NELL2: variants seen among roughly 807,000 people sequenced by gnomAD.
The protein encoded by NELL2 is neural EGFL like 2.
Under a neutral mutation model 109.6 loss-of-function variants are expected in NELL2, and 41 were observed. The observed-to-expected ratio is 0.37, with a 90% CI of 0.29 to 0.49. The LOEUF (loss-of-function observed/expected upper bound fraction) is 0.49, where lower values mean the gene tolerates loss of function less well. Among genes scored for constraint, NELL2 ranks in the 20% least tolerant of loss-of-function variants. The probability of loss-of-function intolerance (pLI) is 0.98; values close to 1 mark genes in which losing one functional copy is unlikely to be tolerated. For synonymous variants in NELL2, 355 were observed against 344.7 expected (o/e 1.03, Z -0.33); for missense variants, 900 against 1,008.3 (o/e 0.89, Z 1.45).
intron 9 of NELL2, among the ~76,000 whole-genome samples, chr12:44,774,074 T>C (rs1202330235): frequency 6.6e-6 from 1 of 152,238 alleles, no homozygotes; most frequent in Non-Finnish European, 1.5e-5. Flanking sequence ...ACACTCTTTT[T>C]AACAAAGGTT....
At chr12:44,561,329 G>A (rs996985089) in intron 15 of NELL2, among the ~76,000 whole-genome samples, 45 of 151,966 alleles carry the variant, frequency 3.0e-4, no homozygotes, top group African/African-American at 1.0e-3. Flanking sequence ...TTCTGGACAG[G>A]GTAATCAGGC....
At chr12:44,844,250 G>A (rs1230390415) in intron 2 of NELL2, among the ~76,000 whole-genome samples, 1 of 152,170 alleles carries the variant, frequency 6.6e-6, no homozygotes, top group African/African-American at 2.4e-5. Flanking sequence ...GAATTTTGGA[G>A]AGGACACATT....
chr12:44,881,344 A>G (rs1338605478), intron 1 of NELL2, among the ~76,000 whole-genome samples: 2 of 152,026 alleles, frequency 1.3e-5, no homozygotes, highest in Non-Finnish European at 2.9e-5. Flanking sequence ...TAAAGAAACT[A>G]TTATAAAAAT....
intron 15 of NELL2, among the ~76,000 whole-genome samples, chr12:44,589,251 C>T (rs1944656425): frequency 6.8e-6 from 1 of 147,614 alleles, no homozygotes; most frequent in Admixed American, 6.7e-5. Context: ...TCATTCCTCT[C>T]AGTCAGTCCA....
chr12:44,775,222 C>T (rs528373850), intron 8 of NELL2, among the ~76,000 whole-genome samples: 14 of 151,184 alleles, frequency 9.3e-5, no homozygotes, highest in Non-Finnish European at 2.1e-4. Flanking sequence ...CGAACATGCA[C>T]GCACGCACAC....
intron 9 of NELL2, among the ~76,000 whole-genome samples, chr12:44,760,174 T>C (rs1941061683): frequency 6.6e-6 from 1 of 152,184 alleles, no homozygotes; most frequent in Non-Finnish European, 1.5e-5. Flanking sequence ...CCCTTGAACA[T>C]GTTACTCCAC....
At chr12:44,717,842 C>A (rs987962861) in intron 9 of NELL2, among the ~76,000 whole-genome samples, 5 of 152,118 alleles carry the variant, frequency 3.3e-5, no homozygotes, top group African/African-American at 1.2e-4. Context: ...CATTGGTGAA[C>A]GCTACTTGAA....
chr12:44,680,886 C>T (rs1313012064), intron 12 of NELL2, among the ~76,000 whole-genome samples: 1 of 152,116 alleles, frequency 6.6e-6, no homozygotes, highest in East Asian at 1.9e-4. Context: ...ACATTTACTA[C>T]AATGTATGTT....
At chr12:44,810,297 T>C (rs1481257121) in intron 3 of NELL2, among the ~76,000 whole-genome samples, 1 of 152,142 alleles carries the variant, frequency 6.6e-6, no homozygotes, top group African/African-American at 2.4e-5. Context: ...TCAAAAATTA[T>C]TGTCAACTAT....
Position 44,665,518 on chromosome 12 carries a change from A to G in NELL2, c.1410T>C (p.Thr470=). The change falls in exon 13 of 20, where the codon ACT becomes ACC. Residue 470 remains threonine, a synonymous_variant. Transcript: ENST00000429094. ...AATAATCATCAATTCTGATGTATCC[A>G]GTTTTGCAGATGCACATAAAAGAAC... ...TPGSFMCICK[T]GYIRIDDYSC... The G allele has an allele frequency of 6.2e-7, 1 of 1,613,590 alleles. No individual in the cohort carries two copies.
At chr12:44,759,939 C>A (rs772700861) in intron 9 of NELL2, among the ~76,000 whole-genome samples, 1 of 152,142 alleles carries the variant, frequency 6.6e-6, no homozygotes, top group African/African-American at 2.4e-5. Flanking sequence ...CTTTCACTAC[C>A]TTTTAAAATT....
Position 44,875,933 on chromosome 12 carries a change from C to A in NELL2, c.-64G>T. ...AATAAAAATAAAAATCGAAGAGGTTCTTGGAATCAAGCGGGAAAATAACGT... is the reference window on the plus strand; with the variant it reads ...AATAAAAATAAAAATCGAAGAGGTTATTGGAATCAAGCGGGAAAATAACGT... On this transcript the variant is annotated 5_prime_UTR_variant, in exon 1 of 20. Coordinates refer to ENST00000429094, the MANE Select transcript of NELL2 (RefSeq NM_001145108.2). The A allele has an allele frequency of 6.2e-7, 1 of 1,609,322 alleles. No individual in the cohort carries two copies. The highest frequency in any genetic ancestry group is 1.1e-5 in the South Asian group (1 of 91,002).
At chr12:44,726,313 A>C (rs1939078481) in intron 9 of NELL2, among the ~76,000 whole-genome samples, 1 of 152,166 alleles carries the variant, frequency 6.6e-6, no homozygotes. Flanking sequence ...CCTTCAAACG[A>C]CTTCATGAGG....
At chr12:44,849,332 A>C (rs1944464083) in intron 2 of NELL2, among the ~76,000 whole-genome samples, 1 of 152,202 alleles carries the variant, frequency 6.6e-6, no homozygotes, top group Non-Finnish European at 1.5e-5. Context: ...AAAATCCTAC[A>C]AACCAAAAAT....
chr12:44,749,126 T>C (rs747636645), intron 9 of NELL2, among the ~76,000 whole-genome samples: 9 of 152,142 alleles, frequency 5.9e-5, no homozygotes, highest in Non-Finnish European at 1.3e-4. Flanking sequence ...GAATCAAAGA[T>C]TGGCACGTAA....
In NELL2 at chr12:44,577,571, G is replaced by T. The variant is rs533660888; in HGVS notation, c.1663+29598C>A. ...CGGCTCACTGCAAGCCCCGCCTCCC[G>T]GGTTCACACCATTCTCCTGCCTCAG... On this transcript the variant is annotated intron_variant, in intron 15 of 19. Transcript: ENST00000429094. Among the ~76,000 whole-genome samples the T allele has an allele frequency of 4.9e-5, 7 of 141,740 alleles. No homozygotes were observed. The Admixed American group carries it at 5.2e-4, about 10-fold the overall frequency. The allele number at this position is 141,740 out of a possible 152,430, so 93.0% of individuals were successfully genotyped here.
At chr12:44,705,783 C>T (rs565866154) in intron 11 of NELL2, among the ~76,000 whole-genome samples, 1 of 152,092 alleles carries the variant, frequency 6.6e-6, no homozygotes, top group African/African-American at 2.4e-5. Flanking sequence ...AATTAAGAAA[C>T]AAAGCTCTAA....
intron 13 of NELL2, among the ~76,000 whole-genome samples, chr12:44,620,356 A>G (rs144111851): frequency 1.7e-3 from 260 of 152,266 alleles, no homozygotes; most frequent in African/African-American, 5.8e-3. Flanking sequence ...TTGGTCTCCA[A>G]TGAATATCTG....
At chr12:44,725,212 A>C (rs1170760588) in intron 9 of NELL2, among the ~76,000 whole-genome samples, 1 of 152,184 alleles carries the variant, frequency 6.6e-6, no homozygotes, top group African/African-American at 2.4e-5. Context: ...GAATGGGTGA[A>C]GATTTCATGA....
Sources: allele counts gnomAD v4.1 joint callset (sites outside exome capture counted in the v4.1 genomes callset), GRCh38; gene constraint gnomAD v4.1.1; transcripts MANE v1.5; gene names NCBI Gene and HGNC (gene_info 2026-07-23, HGNC 2026-07-21).